AEBP2: variants seen among roughly 807,000 people sequenced by gnomAD.
AEBP2 encodes zinc finger protein AEBP2.
AEBP2 carries 10 observed loss-of-function variants against 50.8 expected under a neutral mutation model. The observed-to-expected ratio is 0.20, with a 90% confidence interval of 0.12 to 0.33. AEBP2 has a LOEUF of 0.33. Ranked by LOEUF, AEBP2 falls within the 10% of genes least tolerant of loss-of-function variation. The pLI is 1.00. For synonymous variants in AEBP2, 296 were observed against 261.3 expected, an observed-to-expected ratio of 1.13 and a Z score of -1.28; for missense variants, 570 against 688.0, an observed-to-expected ratio of 0.83 and a Z score of 1.92.
intron 3 of AEBP2, among the ~76,000 whole-genome samples, chr12:19,481,642 C>G (rs1433829146): frequency 1.3e-5 from 2 of 152,008 alleles, no homozygotes; most frequent in Admixed American, 1.3e-4. Flanking sequence ...ACATGCCTGG[C>G]TAAATTTTGT....
At chr12:19,440,967 C>G (rs565052903) in intron 1 of AEBP2, among the ~76,000 whole-genome samples, 38 of 152,292 alleles carry the variant, frequency 2.5e-4, no homozygotes, top group African/African-American at 9.1e-4. Flanking sequence ...ACAATCTTTT[C>G]TATTTGTTTT....
At chr12:19,426,658 C>T (rs1437531041) in intron 1 of AEBP2, among the ~76,000 whole-genome samples, 1 of 152,164 alleles carries the variant, frequency 6.6e-6, no homozygotes, top group East Asian at 1.9e-4. Flanking sequence ...AATCCCAGCA[C>T]TTTGGGAGGC....
At chr12:19,431,205 T>C (rs1011112447) in intron 1 of AEBP2, among the ~76,000 whole-genome samples, 3 of 152,104 alleles carry the variant, frequency 2.0e-5, no homozygotes, top group Non-Finnish European at 4.4e-5. Flanking sequence ...GCTGGTTGCT[T>C]TATTTTGGCT....
chr12:19,434,526 A>C (rs1343061380), upstream of AEBP2, among the ~76,000 whole-genome samples: 2 of 151,530 alleles, frequency 1.3e-5, no homozygotes, highest in Non-Finnish European at 2.9e-5. Flanking sequence ...GTTGTTATAA[A>C]AGTTTATAAA....
intron 1 of AEBP2, among the ~76,000 whole-genome samples, chr12:19,428,735 C>T (rs1023093693): frequency 4.6e-5 from 7 of 152,062 alleles, no homozygotes; most frequent in African/African-American, 1.7e-4. Flanking sequence ...ATCCCTTGAA[C>T]CTGGGAGGCA....
intron 6 of AEBP2, among the ~76,000 whole-genome samples, chr12:19,513,881 T>C (rs542778356): frequency 1.5e-3 from 226 of 148,100 alleles, no homozygotes; most frequent in Non-Finnish European, 3.0e-3. Flanking sequence ...TTCAGTGTTA[T>C]GGCCGCATGC....
At chr12:19,494,053 A>C in intron 4 of AEBP2, 67 bp downstream of exon 4, 1 of 1,441,918 alleles carries the variant, frequency 6.9e-7, no homozygotes, top group Non-Finnish European at 9.3e-7. Context: ...ACTTTTATGC[A>C]AATCCACTTT....
rs1307015410 is a variant in AEBP2 at position 19,502,233 on chromosome 12, C to T, written c.1299+2012C>T. ...CACTGCAACCTCCACCCTCTAGGTT[C>T]AAGCGATCCCCCTCCCTCAGCCTCC... On this transcript the variant is annotated intron_variant, in intron 5 of 7. Coordinates refer to ENST00000266508, the MANE Select transcript of AEBP2 (RefSeq NM_153207.5). Among the ~76,000 whole-genome samples, 3 of 152,054 alleles carry T rather than the reference C, an allele frequency of 2.0e-5. No homozygotes were observed. In the East Asian group the frequency reaches 5.8e-4, roughly 29 times the overall value.
chr12:19,456,425 A>G (rs1948270794), intron 1 of AEBP2: 1 of 1,399,524 alleles, frequency 7.1e-7, no homozygotes, highest in South Asian at 1.2e-5. Flanking sequence ...CAGGAACCAT[A>G]TCAACGTTGG....
At chr12:19,425,892 T>C (rs1204206032) in intron 1 of AEBP2, among the ~76,000 whole-genome samples, 1 of 152,110 alleles carries the variant, frequency 6.6e-6, no homozygotes, top group African/African-American at 2.4e-5. Context: ...TCTGATATCT[T>C]AGGATGCTTT....
intron 4 of AEBP2, among the ~76,000 whole-genome samples, chr12:19,494,498 CTTTT>C (rs747750453): frequency 0.023 from 2,605 of 115,774 alleles, 30 homozygotes; most frequent in East Asian, 0.04. Flanking sequence ...AGCAGTGTTG[CTTTT>C]TTTTTTTTTT....
chr12:19,513,239 G>A (rs987425000), intron 6 of AEBP2, among the ~76,000 whole-genome samples: 2 of 152,016 alleles, frequency 1.3e-5, no homozygotes, highest in African/African-American at 4.8e-5. Flanking sequence ...TATAGAAAAA[G>A]CAATTGACTA....
intron 1 of AEBP2, among the ~76,000 whole-genome samples, chr12:19,448,271 T>G (rs1481699954): frequency 6.6e-6 from 1 of 152,136 alleles, no homozygotes; most frequent in Non-Finnish European, 1.5e-5. Flanking sequence ...TGTGTTTATT[T>G]CCTCTAGGCT....
At position 19,442,726 on chromosome 12, in the gene AEBP2, T is replaced by G. The variant is rs57751361; in HGVS notation, c.671+2356T>G. 7.3e-3 allele frequency among the ~76,000 whole-genome samples: 1,111 copies of G among 152,354 alleles called. 13 individuals carry two copies. Among genetic ancestry groups the G allele is most frequent in the African/African-American group, 0.025 (1,047 of 41,582 alleles). On this transcript the variant is annotated intron_variant, in intron 1 of 7. Coordinates refer to ENST00000266508, the MANE Select transcript of AEBP2 (RefSeq NM_153207.5). ...ATTTCAGGGTAATAGATTTGTCACT[T>G]GTATGAAGAAGGCTTACTAGTGAAA... is the stretch of plus-strand genomic sequence containing the variant.
At position 19,440,016 on chromosome 12, in the gene AEBP2, A is replaced by G; in HGVS notation, c.317A>G (p.Glu106Gly). The G allele has an allele frequency of 6.6e-7, 1 of 1,524,436 alleles. No homozygotes were observed. Among genetic ancestry groups the G allele is most frequent in the Non-Finnish European group, 8.8e-7 (1 of 1,142,048 alleles). The allele number at this position is 1,524,436 out of a possible 1,614,324, so 94.4% of individuals were successfully genotyped here. A position where few individuals can be genotyped will look rare whatever the true frequency, so the allele number is the denominator to read the frequency against. Residue 106 changes from glutamate to glycine, a missense_variant, in exon 1 of 8, where the codon GAG (glutamate) becomes GGG (glycine). Coordinates refer to ENST00000266508, the MANE Select transcript of AEBP2 (RefSeq NM_153207.5). The stretch of plus-strand genomic sequence containing the variant: ...GACGAGGAGGAGGACGACGAGGAGG[A>G]GGAAGATGAGAGCAGCAGCAGCGGC... Reference protein sequence around the residue: ...DEDEEEDDEEEEDESSSSGGG... With the variant: ...DEDEEEDDEEGEDESSSSGGG...
intron 1 of AEBP2, among the ~76,000 whole-genome samples, chr12:19,410,935 G>A (rs867487400): frequency 4.6e-5 from 7 of 152,246 alleles, no homozygotes; most frequent in Admixed American, 3.3e-4. Context: ...GCTAAAATGC[G>A]TAATTGGTTT....
chr12:19,514,748 A>G lies in AEBP2; in HGVS notation c.1445A>G (p.Lys482Arg). 2 of 1,612,114 alleles carry G rather than the reference A, an allele frequency of 1.2e-6. No homozygotes were observed. Among genetic ancestry groups the G allele is most frequent in the African/African-American group, 2.7e-5 (2 of 75,014 alleles). The part of the protein sequence containing the change: ...TKVVHLSKLP[K>R]DTALLLDPNI... ...GTAGTTCATTTATCAAAGCTACCCA[A>G]AGATACTGCCTTGCTTTTGGACCCA... is the stretch of plus-strand genomic sequence containing the variant. Residue 482 changes from lysine (K) to arginine (R), a missense_variant, in exon 7 of 8, where the codon AAA (lysine) becomes AGA (arginine). Coordinates refer to ENST00000266508, the MANE Select transcript of AEBP2 (RefSeq NM_153207.5).
intron 2 of AEBP2, 61 bp downstream of exon 2, chr12:19,462,778 T>A: frequency 6.9e-7 from 1 of 1,450,672 alleles, no homozygotes; most frequent in Non-Finnish European, 9.3e-7. Flanking sequence ...AATTTATAAT[T>A]GCTAGTTAGG....
chr12:19,487,263 A>G (rs1478844238), intron 3 of AEBP2, among the ~76,000 whole-genome samples: 1 of 152,124 alleles, frequency 6.6e-6, no homozygotes, highest in Non-Finnish European at 1.5e-5. Flanking sequence ...TGTTATGGTG[A>G]AAAGGGGGAT....
Sources: gnomAD v4.1 joint callset for allele counts (sites outside exome capture counted in the v4.1 genomes callset) on GRCh38, gnomAD v4.1.1 for gene constraint, MANE v1.5 for transcripts, NCBI Gene and HGNC (gene_info 2026-07-23, HGNC 2026-07-21) for gene names.